GRIP1: variants seen among roughly 807,000 people sequenced by gnomAD.
The protein encoded by GRIP1 is glutamate receptor-interacting protein 1.
GRIP1 carries 45 observed loss-of-function variants against 129.9 expected under a neutral mutation model. The ratio of observed to expected loss-of-function variants is 0.35; its 90% CI spans 0.27 to 0.44. The LOEUF (loss-of-function observed/expected upper bound fraction) is 0.44. Among genes scored for constraint, GRIP1 ranks in the 20% least tolerant of loss-of-function variants. The pLI is 1.00. For missense variants in GRIP1, 1,196 were observed against 1,396.8 expected (o/e 0.86, Z 2.29); for synonymous variants, 530 against 520.8 (o/e 1.02, Z -0.24).
chr12:66,898,177 T>A (rs917853932), intron 1 of GRIP1, among the ~76,000 whole-genome samples: 15 of 152,218 alleles, frequency 9.9e-5, no homozygotes, highest in African/African-American at 3.6e-4. Flanking sequence ...CAAAAGCAGT[T>A]CTGTCTGAGT....
intron 7 of GRIP1, among the ~76,000 whole-genome samples, chr12:66,491,486 G>A (rs931490236): frequency 3.9e-5 from 6 of 152,176 alleles, no homozygotes; most frequent in Non-Finnish European, 7.3e-5. Flanking sequence ...GGGGGAAAGG[G>A]AGAGCATCAG....
chr12:66,612,500 T>C (rs2064848751), intron 1 of GRIP1, among the ~76,000 whole-genome samples: 1 of 151,556 alleles, frequency 6.6e-6, no homozygotes, highest in Non-Finnish European at 1.5e-5. Flanking sequence ...GTTTAAAAAG[T>C]TTTTCAAGTG....
At chr12:66,551,768 G>A (rs1428165607) in intron 2 of GRIP1, among the ~76,000 whole-genome samples, 1 of 151,858 alleles carries the variant, frequency 6.6e-6, no homozygotes, top group Non-Finnish European at 1.5e-5. Flanking sequence ...TTGTTGTACA[G>A]ATGGGGTCTC....
At chr12:66,623,491 T>C (rs1055455163) in intron 1 of GRIP1, among the ~76,000 whole-genome samples, 12 of 152,146 alleles carry the variant, frequency 7.9e-5, no homozygotes, top group African/African-American at 2.9e-4. Flanking sequence ...TGGGAAACAA[T>C]ATATACTTGA....
chr12:66,411,539 C>T (rs2057402846), intron 15 of GRIP1, among the ~76,000 whole-genome samples: 1 of 152,188 alleles, frequency 6.6e-6, no homozygotes, highest in Non-Finnish European at 1.5e-5. Context: ...CAACTTAAAA[C>T]TGCTGAAAAC....
At chr12:67,068,849 T>TCC (rs1211244463) in intron 1 of GRIP1, among the ~76,000 whole-genome samples, 6 of 2,108 alleles carry the variant, frequency 2.8e-3, no homozygotes, top group African/African-American at 4.7e-3. Flanking sequence ...TGCCCTCTCA[T>TCC]CCCGCCCCCC....
At chr12:66,660,233 T>C (rs1663708756) in intron 1 of GRIP1, among the ~76,000 whole-genome samples, 1 of 151,954 alleles carries the variant, frequency 6.6e-6, no homozygotes, top group Admixed American at 6.6e-5. Context: ...GTCTATAAAA[T>C]TCATACCCTA....
intron 1 of GRIP1, among the ~76,000 whole-genome samples, chr12:66,791,795 G>A (rs2038544618): frequency 6.6e-6 from 1 of 152,084 alleles, no homozygotes; most frequent in Non-Finnish European, 1.5e-5. Context: ...AGTGTACATT[G>A]TACCCAATAT....
intron 1 of GRIP1, among the ~76,000 whole-genome samples, chr12:66,688,484 T>C (rs1414037807): frequency 6.6e-6 from 1 of 152,166 alleles, no homozygotes; most frequent in African/African-American, 2.4e-5. Flanking sequence ...CCAGAGTCCA[T>C]TCCATTTGTA....
intron 1 of GRIP1, among the ~76,000 whole-genome samples, chr12:66,756,737 C>G (rs1592813519): frequency 6.6e-6 from 1 of 152,138 alleles, no homozygotes; most frequent in East Asian, 1.9e-4. Context: ...TTCCTTATTG[C>G]CATATGATTC....
chr12:66,524,225 A>AT (rs1016112806), intron 5 of GRIP1, among the ~76,000 whole-genome samples: 1 of 152,108 alleles, frequency 6.6e-6, no homozygotes, highest in Admixed American at 6.5e-5. Context: ...CAGAATATAC[A>AT]TTTTTTTCAG....
chr12:66,653,756 C>A (rs2032963755), intron 1 of GRIP1, among the ~76,000 whole-genome samples: 1 of 152,176 alleles, frequency 6.6e-6, no homozygotes, highest in African/African-American at 2.4e-5. Flanking sequence ...ATGCTTAACA[C>A]ATAGCAATGA....
rs73130848 is a variant in GRIP1 at position 66,798,769 on chromosome 12, C to T, written c.-420+5284G>A. Among the ~76,000 whole-genome samples, 238 of 151,962 alleles carry T rather than the reference C, an allele frequency of 1.6e-3. 1 individual carries two copies. Among genetic ancestry groups the T allele is most frequent in the Non-Finnish European group, 2.5e-3 (172 of 67,962 alleles). On this transcript the variant is annotated intron_variant, in intron 1 of 4. Transcript: ENST00000538373. ...AAATCACCTATGGTTTTTGAGCCAC[C>T]GACAATCACTTTAATTAACATCATC...
At chr12:66,886,271 AAAAC>A (rs947761813) in intron 1 of GRIP1, among the ~76,000 whole-genome samples, 3 of 150,766 alleles carry the variant, frequency 2.0e-5, no homozygotes, top group East Asian at 1.9e-4. Context: ...GTCAAAAAAC[AAAAC>A]AAACAAAGAT....
rs1428162700 is a variant in GRIP1 at position 66,873,954 on chromosome 12, T to C, written c.58+195096A>G. Among the ~76,000 whole-genome samples the C allele has an allele frequency of 5.3e-5, 8 of 152,090 alleles. No homozygotes were observed. The South Asian group carries it at 6.2e-4, about 12-fold the overall frequency. On this transcript the variant is annotated intron_variant, in intron 1 of 1. Transcript: ENST00000643019. The stretch of plus-strand genomic sequence containing the variant: ...ACATCTTATCATCACTGCCAAAAGA[T>C]GTACTGAAATCTTTCCTAACTCCCT...
intron 1 of GRIP1, among the ~76,000 whole-genome samples, chr12:66,845,094 T>C (rs757952162): frequency 6.6e-6 from 1 of 152,138 alleles, no homozygotes; most frequent in Non-Finnish European, 1.5e-5. Flanking sequence ...ATGGTTAAGA[T>C]AGCAAATTTC....
At position 66,512,982 on chromosome 12, in the gene GRIP1, A is replaced by C. The variant is rs1261221390; in HGVS notation, c.724+2637T>G. Reference sequence around the variant, plus strand: ...TTCTTTTTAGTTATTTATAATAGCAATCTACTGGGAAATGGTTAAGTAAAT... The same window carrying C: ...TTCTTTTTAGTTATTTATAATAGCACTCTACTGGGAAATGGTTAAGTAAAT... On this transcript the variant is annotated intron_variant, in intron 7 of 24. Transcript: ENST00000359742. Among the ~76,000 whole-genome samples, 3 of 152,156 alleles carry C rather than the reference A, an allele frequency of 2.0e-5. No homozygotes were observed. The East Asian group carries it at 5.8e-4, about 29-fold the overall frequency.
intron 23 of GRIP1, among the ~76,000 whole-genome samples, chr12:66,368,166 A>C (rs1592704585): frequency 2.0e-5 from 3 of 152,228 alleles, no homozygotes; most frequent in African/African-American, 7.2e-5. Flanking sequence ...AGACCTCAGA[A>C]GATGGAAGGT....
At position 66,927,307 on chromosome 12, in the gene GRIP1, AGT is replaced by A. The variant is rs138442630; in HGVS notation, c.58+141741_58+141742del. On this transcript the variant is annotated intron_variant, in intron 1 of 1. Coordinates refer to the GRIP1 transcript ENST00000643019. ...TTCAATAAGTATGTGTGGTATGCTCAGTGTGTGTCAGGCAATGTGTCAGATGT... is the reference window on the plus strand; with the variant it reads ...TTCAATAAGTATGTGTGGTATGCTCAGTGTGTCAGGCAATGTGTCAGATGT... 3.8e-3 allele frequency among the ~76,000 whole-genome samples: 583 copies of A among 152,322 alleles called. 5 individuals are homozygous for A. Among genetic ancestry groups the A allele is most frequent in the African/African-American group, 0.013 (554 of 41,574 alleles).
Sources: allele counts gnomAD v4.1 joint callset (sites outside exome capture counted in the v4.1 genomes callset), GRCh38; gene constraint gnomAD v4.1.1; transcripts MANE v1.5; gene names NCBI Gene and HGNC (gene_info 2026-07-23, HGNC 2026-07-21).